The following RPN1 variants were observed in gnomAD, a reference collection of about 807,000 sequenced individuals.
RPN1 encodes dolichyl-diphosphooligosaccharide--protein glycosyltransferase subunit 1.
Under a neutral mutation model 55.5 loss-of-function variants are expected in RPN1, and 12 were observed. The observed-to-expected ratio is 0.22, with a 90% CI of 0.14 to 0.35. The LOEUF is 0.35. Ranked by LOEUF, RPN1 falls within the 10% of genes least tolerant of loss-of-function variation. RPN1 has a pLI of 1.00. For synonymous variants in RPN1, 317 were observed against 305.9 expected, an observed-to-expected ratio of 1.04 and a Z score of -0.38; for missense variants, 679 against 761.3, an observed-to-expected ratio of 0.89 and a Z score of 1.27.
At position 128,625,598 on chromosome 3, in the gene RPN1, G is replaced by A. The variant is rs547372193; in HGVS notation, c.1331C>T (p.Ala444Val). 6.8e-6 allele frequency: 11 copies of A among 1,614,102 alleles called. No individual in the cohort carries two copies. The highest frequency in any genetic ancestry group is 4.4e-5 in the South Asian group (4 of 91,076). ...LMLQEPLLVV[A>V]AFYILFFTVI... ...GGTGAAGAACAGGATGTAGAAGGCC[G>A]CCACCACCAGCAGGGGCTCCTGCAG... The change falls in exon 8 of 10, where the codon GCG becomes GTG. Residue 444 changes from alanine (A) to valine (V), a missense_variant. This residue lies in a region of RPN1 where 306 missense variants were observed against 360.0 expected (regional missense o/e 0.85). Coordinates refer to ENST00000296255, the MANE Select transcript of RPN1 (RefSeq NM_002950.4).
chr3:128,625,614 G>A lies in RPN1; in HGVS notation c.1315C>T (p.Pro439Ser), dbSNP rs1204967052. 6.2e-7 allele frequency: 1 copy of A among 1,613,990 alleles called. No homozygotes were observed. The highest frequency in any genetic ancestry group is 8.5e-7 in the Non-Finnish European group (1 of 1,180,032). ...TFNKVLMLQE[P>S]LLVVAAFYIL... ...TAGAAGGCCGCCACCACCAGCAGGG[G>A]CTCCTGCAGCATGAGCACCTTGTTG... is the stretch of plus-strand genomic sequence containing the variant. Residue 439 changes from proline (P) to serine (S), a missense_variant, in exon 8 of 10, where the codon CCC becomes TCC. Around this residue, in one of 3 missense-constraint regions of RPN1, gnomAD observed 306 missense variants for 360.0 expected, o/e 0.85. Transcript: ENST00000296255.
chr3:128,650,338 G>T (rs939032254), intron 1 of RPN1, among the ~76,000 whole-genome samples: 5 of 152,156 alleles, frequency 3.3e-5, no homozygotes, highest in Admixed American at 6.5e-5. Context: ...GCGCACCGGG[G>T]GCAGCGGAGG....
chr3:128,638,238 T>C (rs1030137973), intron 2 of RPN1, 133 bp from the exon 3 acceptor site: 24 of 655,082 alleles, frequency 3.7e-5, no homozygotes, highest in Non-Finnish European at 6.0e-5. Context: ...CTTTTCCTTT[T>C]TGAGATGGAG....
At chr3:128,632,229 T>A in intron 3 of RPN1, 72 bp from the exon 4 acceptor site, 1 of 1,391,038 alleles carries the variant, frequency 7.2e-7, no homozygotes, top group Non-Finnish European at 1.0e-6. Flanking sequence ...ATCAGATTGA[T>A]TGGAGACAAC....
chr3:128,629,992 A>G lies in RPN1; in HGVS notation c.995T>C (p.Val332Ala), dbSNP rs957158943. The change falls in exon 5 of 10, where the codon GTT becomes GCT. Residue 332 changes from valine to alanine, a missense_variant. Transcript: ENST00000296255. ...CTCATAGCTTGGGAGGTTGTAGCCA[A>G]CGATGTAATGGGTCTTCCACCCGCC... is the stretch of plus-strand genomic sequence containing the variant. ...LFGGWKTHYIVGYNLPSYEYL... is the reference protein window; with the variant it reads ...LFGGWKTHYIAGYNLPSYEYL... The G allele has an allele frequency of 1.9e-6, 3 of 1,613,574 alleles. No individual in the cohort carries two copies. Among genetic ancestry groups the G allele is most frequent in the African/African-American group, 2.7e-5 (2 of 74,936 alleles).
At chr3:128,636,236 G>A (rs756916144) in intron 3 of RPN1, among the ~76,000 whole-genome samples, 45 of 152,106 alleles carry the variant, frequency 3.0e-4, no homozygotes, top group African/African-American at 8.9e-4. Context: ...CGAGGCAGGC[G>A]GATCACCTGA....
chr3:128,621,843 C>A (rs1448781475), intron 9 of RPN1, among the ~76,000 whole-genome samples: 2 of 152,212 alleles, frequency 1.3e-5, no homozygotes, highest in Admixed American at 1.3e-4. Context: ...AGTCTAGGTT[C>A]ATTTTACCAC....
intron 3 of RPN1, among the ~76,000 whole-genome samples, chr3:128,635,107 C>A (rs2811491): frequency 0.61 from 92,543 of 151,618 alleles, 28,381 homozygotes; most frequent in East Asian, 0.77. Context: ...CAGAGACCCT[C>A]TCTCTCCCCA....
rs754259584 is a variant in RPN1 at position 128,626,713 on chromosome 3, A to T, written c.1136+20T>A. 96 of 1,608,050 alleles carry T rather than the reference A, an allele frequency of 6.0e-5. No homozygotes were observed. Among genetic ancestry groups the T allele is most frequent in the Non-Finnish European group, 7.7e-5 (90 of 1,174,646 alleles). Reference sequence around the variant, plus strand: ...CAACCAGAGAAATCGGGTGCAAAGGAGAGGAACAGTCACACTCACTTGGCT... The same window carrying T: ...CAACCAGAGAAATCGGGTGCAAAGGTGAGGAACAGTCACACTCACTTGGCT... On this transcript the variant is annotated intron_variant, in intron 6 of 9. Coordinates refer to ENST00000296255, the MANE Select transcript of RPN1 (RefSeq NM_002950.4).
rs774418413 is a variant in RPN1, at chr3:128,650,813, C to T, written c.-13G>A. The T allele has an allele frequency of 3.5e-5, 52 of 1,503,292 alleles. No homozygotes were observed. In the East Asian group the frequency reaches 1.3e-3, roughly 37 times the overall value. The allele number at this position is 1,503,292 out of a possible 1,614,324, so 93.1% of individuals were successfully genotyped here. On this transcript the variant is annotated 5_prime_UTR_variant, in exon 1 of 10. Transcript: ENST00000296255. ...CTGGCGCCTCCATGACCGGGAAGAG[C>T]AGTGCGCCAGGGCGGGTAGGGCCCG... is the stretch of plus-strand genomic sequence containing the variant.
intron 2 of RPN1, among the ~76,000 whole-genome samples, chr3:128,642,751 A>C (rs2069735489): frequency 6.6e-6 from 1 of 152,064 alleles, no homozygotes; most frequent in Non-Finnish European, 1.5e-5. Context: ...GGTCAGGCGC[A>C]GTGGCTCACA....
Position 128,650,533 on chromosome 3 carries a change from C to T in RPN1, c.261+7G>A, listed in dbSNP as rs1191539490. 1 of 1,534,826 alleles carries T rather than the reference C, an allele frequency of 6.5e-7. No homozygotes were observed. The highest frequency in any genetic ancestry group is 8.8e-7 in the Non-Finnish European group (1 of 1,141,892). ...GGGAGCGGCGGCGAGGGGTCGCCCA[C>T]ACTCACCTGCACGCCCAGGTGCGCC... On this transcript the variant is annotated splice_region_variant and intron_variant, in intron 1 of 9. Transcript: ENST00000296255.
At chr3:128,628,007 C>T (rs2069612702) in intron 5 of RPN1, among the ~76,000 whole-genome samples, 1 of 3,172 alleles carries the variant, frequency 3.2e-4, no homozygotes, top group Admixed American at 2.0e-3. Flanking sequence ...CCTGTAATCC[C>T]AGCACTTTGG....
In RPN1 at chr3:128,628,984, G is replaced by A. The variant is rs567594490; in HGVS notation, c.1036+967C>T. Among the ~76,000 whole-genome samples the A allele has an allele frequency of 9.5e-4, 145 of 152,204 alleles. 1 individual carries two copies. The highest frequency in any genetic ancestry group is 3.4e-3 in the Middle Eastern group (1 of 292). On this transcript the variant is annotated intron_variant, in intron 5 of 9. Transcript: ENST00000296255. ...GTATTAACTGCAGATTAATAGATAA[G>A]GCAAATTGAATAGATTGAAAAGGGC...
At chr3:128,636,002 T>G (rs1303175943) in intron 3 of RPN1, among the ~76,000 whole-genome samples, 2 of 152,140 alleles carry the variant, frequency 1.3e-5, no homozygotes, top group Non-Finnish European at 2.9e-5. Context: ...TTTTGTTACA[T>G]ATAACTTGTT....
chr3:128,632,305 GT>G, intron 3 of RPN1, 148 bp from the exon 4 acceptor site: 2 of 669,242 alleles, frequency 3.0e-6, no homozygotes, highest in Non-Finnish European at 5.0e-6. Flanking sequence ...TTAAAATTAT[GT>G]TTACTAGGAC....
chr3:128,624,490 A>G (rs1313507819), intron 8 of RPN1, among the ~76,000 whole-genome samples: 1 of 150,792 alleles, frequency 6.6e-6, no homozygotes, highest in Non-Finnish European at 1.5e-5. Context: ...AGGAAAAAAA[A>G]AAAAGAAAAC....
At chr3:128,627,055 C>T (rs13073299) in intron 5 of RPN1, 20 of 530,750 alleles carry the variant, frequency 3.8e-5, no homozygotes, top group South Asian at 3.6e-4. Context: ...AAGACCTTCA[C>T]GTTATCAGTG....
chr3:128,633,125 C>T (rs1213255994), intron 3 of RPN1, among the ~76,000 whole-genome samples: 2 of 152,068 alleles, frequency 1.3e-5, no homozygotes, highest in East Asian at 3.9e-4. Context: ...CAAGCAAGGG[C>T]ATAAGGAAAC....
Sources: gnomAD v4.1 joint callset for allele counts (sites outside exome capture counted in the v4.1 genomes callset) on GRCh38, gnomAD v4.1.1 for gene constraint, gnomAD v4.1.1 regional missense constraint, MANE v1.5 for transcripts, NCBI Gene and HGNC (gene_info 2026-07-23, HGNC 2026-07-21) for gene names.